Variants in ARHGAP26 observed in about 807,000 individuals in gnomAD.
The protein encoded by ARHGAP26 is Rho GTPase activating protein 26, also known as rho GTPase-activating protein 26.
ARHGAP26 carries 38 observed loss-of-function variants against 104.8 expected under a neutral mutation model. The ratio of observed to expected loss-of-function variants is 0.36; its 90% confidence interval spans 0.28 to 0.48. The LOEUF (loss-of-function observed/expected upper bound fraction) is 0.48, where lower values mean the gene tolerates loss of function less well. Among genes scored for constraint, ARHGAP26 ranks in the 20% least tolerant of loss-of-function variants. The pLI, the probability that ARHGAP26 is intolerant of heterozygous loss-of-function variation, is 0.99. For missense variants in ARHGAP26, 704 were observed against 947.9 expected (o/e 0.74, Z 3.38); for synonymous variants, 341 against 340.0 (o/e 1.00, Z -0.03).
At chr5:142,771,255 G>T in intron 1 of ARHGAP26, 7 of 1,253,220 alleles carry the variant, frequency 5.6e-6, no homozygotes, top group Non-Finnish European at 7.0e-6. Context: ...CAGCCAGCGG[G>T]CAGATCCCAT....
At chr5:143,153,325 C>T (rs986526901) in intron 20 of ARHGAP26, among the ~76,000 whole-genome samples, 3 of 152,172 alleles carry the variant, frequency 2.0e-5, no homozygotes, top group Non-Finnish European at 2.9e-5. Flanking sequence ...TGGACCTGAG[C>T]ATGCCCACTA....
chr5:142,771,025 T>G (rs569481718), intron 1 of ARHGAP26, 110 bp downstream of exon 1: 5 of 1,453,854 alleles, frequency 3.4e-6, no homozygotes, highest in South Asian at 1.4e-5. Flanking sequence ...CCCGGTACAC[T>G]GGGGGACGGG....
chr5:142,874,887 G>T (rs1755860337), intron 2 of ARHGAP26: 2 of 528,852 alleles, frequency 3.8e-6, no homozygotes, highest in Admixed American at 3.2e-5. Context: ...TTTCCTTGAA[G>T]AAATCATTCC....
intron 11 of ARHGAP26, among the ~76,000 whole-genome samples, chr5:143,006,655 C>T (rs1778014122): frequency 1.3e-5 from 2 of 152,168 alleles, no homozygotes; most frequent in Admixed American, 6.5e-5. Context: ...GCACATTTCA[C>T]CACTCAGACC....
chr5:143,220,246 G>T (rs555861953), intron 22 of ARHGAP26, among the ~76,000 whole-genome samples: 1 of 152,136 alleles, frequency 6.6e-6, no homozygotes, highest in African/African-American at 2.4e-5. Context: ...GGTTTGATTT[G>T]TTAATTTTAT....
At chr5:142,798,292 A>C (rs1423067173) in intron 1 of ARHGAP26, among the ~76,000 whole-genome samples, 2 of 152,102 alleles carry the variant, frequency 1.3e-5, no homozygotes, top group Non-Finnish European at 2.9e-5. Flanking sequence ...TTTGATGCTC[A>C]TGTGCCTCCT....
chr5:143,209,571 A>C (rs932108789), intron 21 of ARHGAP26, among the ~76,000 whole-genome samples: 3 of 152,138 alleles, frequency 2.0e-5, no homozygotes, highest in African/African-American at 7.2e-5. Context: ...ACCCGAGGTG[A>C]GGAGTTCAAG....
intron 7 of ARHGAP26, among the ~76,000 whole-genome samples, chr5:142,902,637 G>C (rs553585096): frequency 9.1e-4 from 138 of 152,336 alleles, no homozygotes; most frequent in Non-Finnish European, 1.7e-3. Context: ...TGTGGGATTG[G>C]ACCATGTTAT....
At chr5:142,776,220 G>A (rs1180179811) in intron 1 of ARHGAP26, among the ~76,000 whole-genome samples, 9 of 152,066 alleles carry the variant, frequency 5.9e-5, no homozygotes, top group African/African-American at 4.8e-5. Context: ...TGATCCTCCC[G>A]TCTTGGCCTC....
intron 20 of ARHGAP26, among the ~76,000 whole-genome samples, chr5:143,149,400 A>G (rs1384190045): frequency 6.6e-6 from 1 of 152,114 alleles, no homozygotes; most frequent in Non-Finnish European, 1.5e-5. Flanking sequence ...AGCGTCTGCC[A>G]TGGCCCTGAG....
At chr5:142,926,736 C>T (rs1289680207) in intron 10 of ARHGAP26, among the ~76,000 whole-genome samples, 1 of 152,110 alleles carries the variant, frequency 6.6e-6, no homozygotes, top group Non-Finnish European at 1.5e-5. Context: ...GGGAATCACA[C>T]ATGTCATTAG....
chr5:143,141,461 T>C (rs1798530180), intron 19 of ARHGAP26, among the ~76,000 whole-genome samples: 1 of 152,222 alleles, frequency 6.6e-6, no homozygotes, highest in Non-Finnish European at 1.5e-5. Flanking sequence ...ACGGGATATC[T>C]GTGTGCAGAT....
chr5:142,806,336 A>C (rs993515489), intron 1 of ARHGAP26, among the ~76,000 whole-genome samples: 3 of 152,186 alleles, frequency 2.0e-5, no homozygotes, highest in African/African-American at 7.2e-5. Context: ...GGGCTCAAGC[A>C]ATCCTCCTGC....
At chr5:142,945,583 A>G (rs1248348302) in intron 11 of ARHGAP26, among the ~76,000 whole-genome samples, 2 of 152,212 alleles carry the variant, frequency 1.3e-5, no homozygotes, top group Non-Finnish European at 2.9e-5. Context: ...CATCTGGAAG[A>G]TGATATTTTG....
chr5:143,096,212 A>G (rs572321612), intron 17 of ARHGAP26, among the ~76,000 whole-genome samples: 1 of 152,244 alleles, frequency 6.6e-6, no homozygotes, highest in Non-Finnish European at 1.5e-5. Context: ...AGATCTTCCA[A>G]TGCAAACATA....
intron 1 of ARHGAP26, among the ~76,000 whole-genome samples, chr5:142,821,244 C>T (rs1301273382): frequency 6.6e-6 from 1 of 151,144 alleles, no homozygotes; most frequent in Non-Finnish European, 1.5e-5. Context: ...TCTCTCTATT[C>T]CACCCCAAGC....
chr5:142,948,158 T>C (rs1488787717), intron 11 of ARHGAP26, among the ~76,000 whole-genome samples: 1 of 152,108 alleles, frequency 6.6e-6, no homozygotes, highest in Non-Finnish European at 1.5e-5. Flanking sequence ...TCAGGATGCC[T>C]TTTCCTTTTC....
intron 17 of ARHGAP26, among the ~76,000 whole-genome samples, chr5:143,088,470 TA>T (rs11373777): frequency 4.9e-4 from 71 of 146,140 alleles, no homozygotes; most frequent in African/African-American, 9.2e-4. Flanking sequence ...ACCAAATTGT[TA>T]AAAAAAAAAA....
At chr5:143,195,139 TTC>T (rs957949432) in intron 20 of ARHGAP26, among the ~76,000 whole-genome samples, 3 of 152,304 alleles carry the variant, frequency 2.0e-5, no homozygotes, top group African/African-American at 7.2e-5. Context: ...TCATCTCTCT[TTC>T]TCTCTCTGTC....
Sources: allele counts gnomAD v4.1 joint callset (sites outside exome capture counted in the v4.1 genomes callset), GRCh38; gene constraint gnomAD v4.1.1; transcripts MANE v1.5; gene names NCBI Gene and HGNC (gene_info 2026-07-23, HGNC 2026-07-21).